The following NFE2L1 variants were observed in gnomAD, a reference collection of about 807,000 sequenced individuals.
The protein encoded by NFE2L1 is NFE2 like bZIP transcription factor 1.
NFE2L1 carries 18 observed loss-of-function variants against 61.6 expected under a neutral mutation model. That is an observed-to-expected ratio of 0.29 (90% CI 0.20 to 0.43). The LOEUF (loss-of-function observed/expected upper bound fraction) is 0.43. Among genes scored for constraint, NFE2L1 ranks in the 20% least tolerant of loss-of-function variants. The probability of loss-of-function intolerance (pLI) is 1.00; values close to 1 mark genes in which losing one functional copy is unlikely to be tolerated. For synonymous variants in NFE2L1, 419 were observed against 402.7 expected (o/e 1.04, Z -0.48); for missense variants, 827 against 973.5 (o/e 0.85, Z 2.00).
intron 2 of NFE2L1, among the ~76,000 whole-genome samples, chr17:48,055,572 G>C (rs952721949): frequency 7.3e-6 from 1 of 136,724 alleles, no homozygotes; most frequent in South Asian, 2.2e-4. Flanking sequence ...GTGAGTCCTG[G>C]GGTATGGTGA....
In NFE2L1 at chr17:48,058,524, C is replaced by T; in HGVS notation, c.1202C>T (p.Ser401Phe). Residue 401 changes from serine (S) to phenylalanine (F), a missense_variant, in exon 6 of 6, where the codon TCT becomes TTT. Around this residue, in one of 3 missense-constraint regions of NFE2L1, gnomAD observed 667 missense variants for 748.4 expected, o/e 0.89. Coordinates refer to ENST00000362042, the MANE Select transcript of NFE2L1 (RefSeq NM_003204.3). ...STLLPLAPSN[S>F]TSLNSTFGST... ...CTGCTCCCGTTGGCCCCCAGCAATT[C>T]TACCAGCCTCAACTCCACCTTCGGC... 1 of 1,613,324 alleles carries T rather than the reference C, an allele frequency of 6.2e-7. No homozygotes were observed. The highest frequency in any genetic ancestry group is 2.2e-5 in the East Asian group (1 of 44,858).
In NFE2L1 at chr17:48,061,122, C is replaced by T. The variant is rs1160161788; in HGVS notation, c.*1481C>T. 6.6e-6 allele frequency: 1 copy of T among 152,602 alleles called. No individual in the cohort carries two copies. Among genetic ancestry groups the T allele is most frequent in the Non-Finnish European group, 1.5e-5 (1 of 68,098 alleles). The allele number at this position is 152,602 out of a possible 1,614,324, so 9.5% of individuals were successfully genotyped here. On this transcript the variant is annotated 3_prime_UTR_variant, in exon 6 of 6. Coordinates refer to ENST00000362042, the MANE Select transcript of NFE2L1 (RefSeq NM_003204.3). ...CACAGCCCCAGCTTCGCACAGGCTC[C>T]TGGAGGGCTGCCTGGGGGAGGCAGA...
In NFE2L1 at chr17:48,051,197, G is replaced by A; in HGVS notation, c.79G>A (p.Asp27Asn). 1 of 1,614,180 alleles carries A rather than the reference G, an allele frequency of 6.2e-7. No individual in the cohort carries two copies. The highest frequency in any genetic ancestry group is 8.5e-7 in the Non-Finnish European group (1 of 1,180,022). Residue 27 changes from aspartate (D) to asparagine (N), a missense_variant, in exon 2 of 6, where the codon GAC becomes AAC. Physicochemically the swap from Asp to Asn is conservative, Grantham distance 23. This residue lies in a region of NFE2L1 where 667 missense variants were observed against 748.4 expected (regional missense o/e 0.89). Transcript: ENST00000362042. ...ILLSLIGVRV[D>N]VDTYLTSQLP... ...GCTGAGTTTGATTGGGGTACGGGTG[G>A]ACGTGGATACTTACCTGACCTCACA... is the stretch of plus-strand genomic sequence containing the variant.
chr17:48,050,487 A>G (rs977184611), intron 1 of NFE2L1, 120 bp from the exon 2 acceptor site: 1 of 395,220 alleles, frequency 2.5e-6, no homozygotes, highest in Non-Finnish European at 4.5e-6. Flanking sequence ...TCAAAAAAAA[A>G]AAAAGTGAAA....
rs2037432431 is a variant in NFE2L1 at position 48,057,461 on chromosome 17, G to C, written c.931G>C (p.Glu311Gln). The change falls in exon 5 of 6, where the codon GAA (glutamate) becomes CAA (glutamine). Residue 311 changes from glutamate to glutamine, a missense_variant. Physicochemically the swap from Glu to Gln is conservative, Grantham distance 29 (BLOSUM62 2). Coordinates refer to ENST00000362042, the MANE Select transcript of NFE2L1 (RefSeq NM_003204.3). ...CGGGACAGAGTCACCATTTGATTTG[G>C]AACAGCAGTGGCAAGATCTCATGTC... ...LTGTESPFDL[E>Q]QQWQDLMSIM... 1 of 1,614,122 alleles carries C rather than the reference G, an allele frequency of 6.2e-7. No individual in the cohort carries two copies.
Position 48,050,744 on chromosome 17 carries a change from AAC to A in NFE2L1, c.-373_-372del, listed in dbSNP as rs956466021. 2.1e-6 allele frequency: 1 copy of A among 469,712 alleles called. No homozygotes were observed. The highest frequency in any genetic ancestry group is 2.0e-5 in the African/African-American group (1 of 51,158). 29.1% of individuals were successfully genotyped at this position (469,712 alleles called of 1,614,324 possible). On this transcript the variant is annotated 5_prime_UTR_variant, in exon 2 of 6. Coordinates refer to ENST00000362042, the MANE Select transcript of NFE2L1 (RefSeq NM_003204.3). ...AAAAAATCCATCAGCTGTTCCTGAG[AAC>A]AGCCTGCATTGGAATCTACAGAGAG...
At chr17:48,057,817 C>G (rs2037441434) in intron 5 of NFE2L1, among the ~76,000 whole-genome samples, 1 of 152,208 alleles carries the variant, frequency 6.6e-6, no homozygotes, top group Non-Finnish European at 1.5e-5. Flanking sequence ...TTAATAATAG[C>G]TGACATTCAC....
Position 48,056,394 on chromosome 17 carries a change from T to G in NFE2L1, c.519T>G (p.Asp173Glu), listed in dbSNP as rs772760960. 1 of 1,614,142 alleles carries G rather than the reference T, an allele frequency of 6.2e-7. No homozygotes were observed. The highest frequency in any genetic ancestry group is 8.5e-7 in the Non-Finnish European group (1 of 1,180,022). The change falls in exon 3 of 6, where the codon GAT (aspartate) becomes GAG (glutamate). Residue 173 changes from aspartate (D) to glutamate (E), a missense_variant. Asp to Glu is a conservative substitution (Grantham distance 45, BLOSUM62 2). Around this residue, in one of 3 missense-constraint regions of NFE2L1, gnomAD observed 667 missense variants for 748.4 expected, o/e 0.89. Transcript: ENST00000362042. The stretch of plus-strand genomic sequence containing the variant: ...TGTGATCTGTCTTTCAGGACATAGA[T>G]CTGATTGACATCCTTTGGCGACAGG... ...VSGDLTKEDI[D>E]LIDILWRQDI...
chr17:48,057,571 T>G, intron 5 of NFE2L1, 69 bp downstream of exon 5: 1 of 1,535,026 alleles, frequency 6.5e-7, no homozygotes, highest in Non-Finnish European at 8.8e-7. Context: ...TCAGTTGCTT[T>G]TCCATCTCCA....
intron 2 of NFE2L1, chr17:48,056,127 C>G (rs1340284583): frequency 1.3e-5 from 7 of 519,602 alleles, no homozygotes; most frequent in African/African-American, 1.9e-5. Context: ...AGATCCTAAT[C>G]CTTTGCACCC....
At chr17:48,055,241 G>A in intron 2 of NFE2L1, 1 of 1,257,942 alleles carries the variant, frequency 7.9e-7, no homozygotes, top group East Asian at 3.2e-5. Flanking sequence ...CTTAGAGGTA[G>A]GGAGGAGGGT....
chr17:48,051,620 A>G lies in NFE2L1; in HGVS notation c.502A>G (p.Thr168Ala). The G allele has an allele frequency of 1.9e-6, 3 of 1,610,896 alleles. No homozygotes were observed. Among genetic ancestry groups the G allele is most frequent in the Non-Finnish European group, 1.7e-6 (2 of 1,178,316 alleles). Residue 168 changes from threonine to alanine, a missense_variant, in exon 2 of 6, where the codon ACC becomes GCC. By Grantham distance (58) the Thr-to-Ala change is moderately conservative. Transcript: ENST00000362042. ...AGCCCCCCCAGTCAGTGGAGACTTAACCAAAGAGGTTAGTGGACCTGTGGT... is the reference window on the plus strand; with the variant it reads ...AGCCCCCCCAGTCAGTGGAGACTTAGCCAAAGAGGTTAGTGGACCTGTGGT... ...AVAPPVSGDL[T>A]KEDIDLIDIL...
chr17:48,052,226 A>T (rs1225935446), intron 2 of NFE2L1, among the ~76,000 whole-genome samples: 2 of 152,150 alleles, frequency 1.3e-5, no homozygotes, highest in Non-Finnish European at 2.9e-5. Context: ...TAGAAAGAGA[A>T]ACTGCATTCT....
At chr17:48,057,579 C>A in intron 5 of NFE2L1, 77 bp downstream of exon 5, 1 of 1,513,626 alleles carries the variant, frequency 6.6e-7, no homozygotes, top group South Asian at 1.3e-5. Context: ...TTTTCCATCT[C>A]CAAGGAGAGA....
Position 48,059,182 on chromosome 17 carries a change from C to T in NFE2L1, c.1860C>T (p.Ala620=). ...GCCGGGATGAGCACCGAGCCCGAGC[C>T]ATGAAGATCCCTTTCACCAATGACA... ...QMSRDEHRAR[A]MKIPFTNDKI... Residue 620 remains alanine, a synonymous_variant, in exon 6 of 6, where the codon GCC becomes GCT. Transcript: ENST00000362042. This position sits in a 1 kb window ranked among gnomAD's most constrained non-coding sequence, Gnocchi z 6.1. The T allele has an allele frequency of 2.5e-6, 4 of 1,614,148 alleles. No homozygotes were observed. Among genetic ancestry groups the T allele is most frequent in the Non-Finnish European group, 3.4e-6 (4 of 1,180,032 alleles).
rs1421834380 is a variant in NFE2L1 at position 48,059,322 on chromosome 17, C to T, written c.2000C>T (p.Ala667Val). ...CGGCGCCGGGGCAAGAACAAGATGG[C>T]GGCGCAGAACTGCCGCAAGCGCAAG... The part of the protein sequence containing the change: ...DIRRRGKNKM[A>V]AQNCRKRKLD... Residue 667 changes from alanine (A) to valine (V), a missense_variant, in exon 6 of 6, where the codon GCG (alanine) becomes GTG (valine). Coordinates refer to ENST00000362042, the MANE Select transcript of NFE2L1 (RefSeq NM_003204.3). This position sits in a 1 kb window ranked among gnomAD's most constrained non-coding sequence, Gnocchi z 6.1. The T allele has an allele frequency of 1.9e-6, 3 of 1,614,186 alleles. No homozygotes were observed. Among genetic ancestry groups the T allele is most frequent in the Admixed American group, 1.7e-5 (1 of 60,026 alleles).
chr17:48,056,162 T>A, intron 2 of NFE2L1: 2 of 614,482 alleles, frequency 3.3e-6, no homozygotes, highest in Non-Finnish European at 5.8e-6. Context: ...ACACTAATGG[T>A]TTTGCTAGTG....
Position 48,051,622 on chromosome 17 carries a change from C to T in NFE2L1, c.504C>T (p.Thr168=), listed in dbSNP as rs1489373809. Residue 168 remains threonine (T), a synonymous_variant, in exon 2 of 6, where the codon ACC becomes ACT. Transcript: ENST00000362042. ...CCCCCCCAGTCAGTGGAGACTTAAC[C>T]AAAGAGGTTAGTGGACCTGTGGTGG... ...AVAPPVSGDL[T]KEDIDLIDIL... 2.5e-6 allele frequency: 4 copies of T among 1,610,448 alleles called. No homozygotes were observed. Among genetic ancestry groups the T allele is most frequent in the Admixed American group, 1.7e-5 (1 of 59,710 alleles).
chr17:48,049,686 C>G (rs2144343158), intron 1 of NFE2L1, among the ~76,000 whole-genome samples: 1 of 152,296 alleles, frequency 6.6e-6, no homozygotes, highest in East Asian at 1.9e-4. Flanking sequence ...GGCCCTTTTC[C>G]TTTTTTTTCT....
Sources: gnomAD v4.1 joint callset for allele counts (sites outside exome capture counted in the v4.1 genomes callset) on GRCh38, gnomAD v4.1.1 for gene constraint, gnomAD v4.1.1 regional missense constraint, Gnocchi (gnomAD v3.1) non-coding constraint, MANE v1.5 for transcripts, NCBI Gene and HGNC (gene_info 2026-07-23, HGNC 2026-07-21) for gene names.